SMAD2: variants seen among roughly 807,000 people sequenced by gnomAD.
SMAD2 encodes the protein SMAD family member 2.
In SMAD2, 8 loss-of-function variants were observed where a neutral mutation model predicts 64.4. The observed-to-expected ratio is 0.12, with a 90% CI of 0.07 to 0.22. The LOEUF (loss-of-function observed/expected upper bound fraction) is 0.22. SMAD2 is among the 10% of genes least tolerant of loss of function. The pLI, the probability that SMAD2 is intolerant of heterozygous loss-of-function variation, is 1.00. For missense variants in SMAD2, 289 were observed against 561.2 expected (o/e 0.51, Z 4.90); for synonymous variants, 203 against 195.8 (o/e 1.04, Z -0.31).
Position 47,834,344 on chromosome 18 carries a change from G to C in SMAD2, c.*7483C>G, listed in dbSNP as rs1913206375. 1 of 208,264 alleles carries C rather than the reference G, an allele frequency of 4.8e-6. No individual in the cohort carries two copies. The highest frequency in any genetic ancestry group is 9.8e-6 in the Non-Finnish European group (1 of 102,320). 12.9% of individuals were successfully genotyped at this position (208,264 alleles called of 1,614,324 possible). ...TACTCTCAATGGAGAATCGCTTTTG[G>C]GCAGTGGTTAAGGCCTCTGATGTGC... On this transcript the variant is annotated 3_prime_UTR_variant, in exon 11 of 11. Transcript: ENST00000262160.
At chr18:47,915,684 G>A (rs1031120658) in intron 1 of SMAD2, among the ~76,000 whole-genome samples, 5 of 152,110 alleles carry the variant, frequency 3.3e-5, no homozygotes, top group Non-Finnish European at 5.9e-5. Flanking sequence ...TCTCTAAACT[G>A]AGGGTCGCGA....
At chr18:47,854,718 G>A (rs2030505647) in intron 6 of SMAD2, among the ~76,000 whole-genome samples, 1 of 151,428 alleles carries the variant, frequency 6.6e-6, no homozygotes, top group African/African-American at 2.4e-5. Flanking sequence ...TTTTTTTTTA[G>A]AGTAGTTTCA....
At chr18:47,873,011 G>A (rs1350615794) in intron 2 of SMAD2, among the ~76,000 whole-genome samples, 2 of 151,610 alleles carry the variant, frequency 1.3e-5, no homozygotes, top group East Asian at 4.0e-4. Context: ...ATAGGCGTGT[G>A]TCACCACGAT....
chr18:47,862,920 G>A (rs1402869726), intron 6 of SMAD2, among the ~76,000 whole-genome samples: 3 of 151,246 alleles, frequency 2.0e-5, no homozygotes, highest in Admixed American at 6.6e-5. Context: ...AATTTCTTAC[G>A]ATGTCCAGCC....
chr18:47,851,571 CA>C, intron 6 of SMAD2, among the ~76,000 whole-genome samples: 1 of 152,060 alleles, frequency 6.6e-6, no homozygotes, highest in Non-Finnish European at 1.5e-5. Flanking sequence ...TTCATCTTCC[CA>C]AAGATATCTA....
rs79347888 is a variant in SMAD2, at chr18:47,846,379, A to T, written c.998-579T>A. Reference sequence around the variant, plus strand: ...CAAAATAATATGAGATATAAGAATTAAAAAAAAAATTGTGAGAAGCAGAGT... The same window carrying T: ...CAAAATAATATGAGATATAAGAATTTAAAAAAAAATTGTGAGAAGCAGAGT... On this transcript the variant is annotated intron_variant, in intron 8 of 10. Transcript: ENST00000262160. 8.6e-5 allele frequency among the ~76,000 whole-genome samples: 13 copies of T among 150,624 alleles called. No homozygotes were observed. In the East Asian group the frequency reaches 1.7e-3, roughly 20 times the overall value.
intron 6 of SMAD2, among the ~76,000 whole-genome samples, chr18:47,852,014 G>T (rs921438586): frequency 5.9e-5 from 9 of 152,110 alleles, no homozygotes; most frequent in African/African-American, 2.2e-4. Flanking sequence ...CATAGTAAAG[G>T]GATGCTTGAG....
chr18:47,852,360 C>A (rs745519839), intron 6 of SMAD2, among the ~76,000 whole-genome samples: 8 of 152,064 alleles, frequency 5.3e-5, no homozygotes, highest in Non-Finnish European at 1.2e-4. Context: ...CGGTGGATAT[C>A]TTACTCTTGA....
intron 1 of SMAD2, among the ~76,000 whole-genome samples, chr18:47,899,226 A>AT (rs1187897443): frequency 4.6e-5 from 7 of 152,150 alleles, no homozygotes; most frequent in African/African-American, 1.4e-4. Context: ...TTTGGGGAAC[A>AT]TAAGTGTTGT....
intron 1 of SMAD2, among the ~76,000 whole-genome samples, chr18:47,919,011 A>G (rs192022959): frequency 6.6e-6 from 1 of 152,216 alleles, no homozygotes. Flanking sequence ...AAACAGATGA[A>G]AACAAACCTA....
chr18:47,837,359 G>A lies in SMAD2; in HGVS notation c.*4468C>T, dbSNP rs909347444. The A allele has an allele frequency of 5.3e-5, 10 of 189,898 alleles. No individual in the cohort carries two copies. The highest frequency in any genetic ancestry group is 1.2e-4 in the African/African-American group (5 of 42,864). The allele number at this position is 189,898 out of a possible 1,614,324, so 11.8% of individuals were successfully genotyped here. A position where few individuals can be genotyped will look rare whatever the true frequency, so the allele number is the denominator to read the frequency against. On this transcript the variant is annotated 3_prime_UTR_variant, in exon 11 of 11. Coordinates refer to ENST00000262160, the MANE Select transcript of SMAD2 (RefSeq NM_005901.6). Reference sequence around the variant, plus strand: ...GGACAGATCACGAGGTCAGGAGATCGAGACCATCCTGGCCAACACGGTGAA... The same window carrying A: ...GGACAGATCACGAGGTCAGGAGATCAAGACCATCCTGGCCAACACGGTGAA...
chr18:47,903,957 T>C (rs796295852), intron 1 of SMAD2, among the ~76,000 whole-genome samples: 6 of 131,686 alleles, frequency 4.6e-5, no homozygotes, highest in African/African-American at 1.7e-4. Context: ...TGAAAGACAA[T>C]GGGGAACAAA....
intron 2 of SMAD2, among the ~76,000 whole-genome samples, chr18:47,891,248 T>C (rs980638104): frequency 1.8e-4 from 27 of 152,160 alleles, no homozygotes; most frequent in African/African-American, 5.8e-4. Flanking sequence ...GAAGTTGCAG[T>C]GAGCCGAGAT....
chr18:47,907,705 A>C (rs2033960244), intron 1 of SMAD2, among the ~76,000 whole-genome samples: 2 of 152,164 alleles, frequency 1.3e-5, no homozygotes, highest in Non-Finnish European at 2.9e-5. Context: ...TAATCCCAGC[A>C]CTTTGGGAGG....
intron 2 of SMAD2, among the ~76,000 whole-genome samples, chr18:47,892,563 C>G (rs1040751294): frequency 1.9e-4 from 29 of 152,186 alleles, no homozygotes; most frequent in African/African-American, 7.0e-4. Flanking sequence ...TTATTTATGA[C>G]TTTTGCATCT....
At chr18:47,896,445 AG>A in intron 2 of SMAD2, 75 bp downstream of exon 2, 1 of 1,484,042 alleles carries the variant, frequency 6.7e-7, no homozygotes, top group Non-Finnish European at 9.4e-7. Flanking sequence ...GCAACTTGAA[AG>A]GAACACAAAT....
At chr18:47,846,715 A>C (rs1048078531) in intron 8 of SMAD2, among the ~76,000 whole-genome samples, 5 of 152,136 alleles carry the variant, frequency 3.3e-5, no homozygotes, top group African/African-American at 1.2e-4. Context: ...AGAGGACCTC[A>C]AGCTCCAGAT....
intron 10 of SMAD2, 58 bp downstream of exon 10, chr18:47,845,282 A>C (rs1417360129): frequency 1.4e-6 from 2 of 1,449,302 alleles, no homozygotes; most frequent in African/African-American, 2.8e-5. Flanking sequence ...AATATGCAAG[A>C]ATGCAATGAA....
intron 10 of SMAD2, among the ~76,000 whole-genome samples, chr18:47,844,421 T>C (rs1914287496): frequency 6.6e-6 from 1 of 152,208 alleles, no homozygotes; most frequent in African/African-American, 2.4e-5. Flanking sequence ...CTAAGTATTT[T>C]ACTTAATTCC....
Sources: allele counts gnomAD v4.1 joint callset (sites outside exome capture counted in the v4.1 genomes callset), GRCh38; gene constraint gnomAD v4.1.1; transcripts MANE v1.5; gene names NCBI Gene and HGNC (gene_info 2026-07-23, HGNC 2026-07-21).